Variants in ZNF83 observed in about 807,000 individuals in gnomAD.
ZNF83 encodes zinc finger protein 816B.
For missense variants in ZNF83, 552 were observed against 629.9 expected, an observed-to-expected ratio of 0.88 and a Z score of 1.32; for synonymous variants, 209 against 213.0, an observed-to-expected ratio of 0.98 and a Z score of 0.17.
intron 1 of ZNF83, among the ~76,000 whole-genome samples, chr19:52,673,917 G>A (rs2061762240): frequency 6.8e-6 from 1 of 147,612 alleles, no homozygotes; most frequent in African/African-American, 2.5e-5. Flanking sequence ...TAGGGAGGCT[G>A]AGGCAGGAGA....
intron 2 of ZNF83, among the ~76,000 whole-genome samples, chr19:52,657,010 C>T (rs965431559): frequency 3.3e-5 from 5 of 151,966 alleles, no homozygotes; most frequent in East Asian, 1.9e-4. Flanking sequence ...CAGCTACTCA[C>T]GAGGCTGAGG....
intron 2 of ZNF83, among the ~76,000 whole-genome samples, chr19:52,656,224 C>CTATATA (rs1491512779): frequency 1.5e-4 from 19 of 124,538 alleles, no homozygotes; most frequent in African/African-American, 4.6e-4. Context: ...CTCTCTCTCT[C>CTATATA]TCTATATATA....
At chr19:52,629,410 T>C (rs867414894) in intron 2 of ZNF83, among the ~76,000 whole-genome samples, 4 of 152,104 alleles carry the variant, frequency 2.6e-5, no homozygotes, top group Middle Eastern at 6.8e-3. Flanking sequence ...CTAATCTTCC[T>C]TTTCTACAGG....
chr19:52,615,880 C>T (rs1373937908), intron 2 of ZNF83, among the ~76,000 whole-genome samples: 2 of 152,184 alleles, frequency 1.3e-5, no homozygotes, highest in Admixed American at 6.5e-5. Context: ...CTCTTGTGCC[C>T]CAGGCTGGAG....
intron 1 of ZNF83, chr19:52,636,295 G>A (rs554532029): frequency 6.6e-6 from 1 of 152,176 alleles, no homozygotes; most frequent in Admixed American, 6.5e-5. Context: ...CTAGGCAATT[G>A]GCCAGACCCT....
chr19:52,614,278 C>T (rs1056185), exon 3 of ZNF83: 999,175 of 1,613,692 alleles, frequency 0.62, 312,856 homozygotes, highest in African/African-American at 0.82. Flanking sequence ...GCCACGCTCA[C>T]TACATTTGTA....
At chr19:52,615,582 T>C (rs765034177) in intron 2 of ZNF83, among the ~76,000 whole-genome samples, 6 of 151,798 alleles carry the variant, frequency 4.0e-5, no homozygotes, top group Non-Finnish European at 8.8e-5. Flanking sequence ...CTACTAAAAA[T>C]ACAAAAATTA....
chr19:52,656,864 C>CAAAAA (rs112522632), intron 2 of ZNF83, among the ~76,000 whole-genome samples: 64 of 136,462 alleles, frequency 4.7e-4, no homozygotes, highest in Middle Eastern at 4.0e-3. Context: ...GACTCCGTCT[C>CAAAAA]AAAAAAAAAA....
At chr19:52,621,217 C>T (rs1467571275) in intron 2 of ZNF83, among the ~76,000 whole-genome samples, 1 of 152,166 alleles carries the variant, frequency 6.6e-6, no homozygotes, top group African/African-American at 2.4e-5. Flanking sequence ...ACCAACCAGC[C>T]CAAGGAACGT....
chr19:52,666,618 C>CAA (rs59937542), intron 1 of ZNF83, among the ~76,000 whole-genome samples: 4 of 105,778 alleles, frequency 3.8e-5, no homozygotes, highest in East Asian at 3.2e-4. Flanking sequence ...TATCCTAAGT[C>CAA]AAAAAAAAAA....
chr19:52,670,317 T>C (rs1352331512), intron 1 of ZNF83, among the ~76,000 whole-genome samples: 1 of 152,148 alleles, frequency 6.6e-6, no homozygotes. Context: ...AATTAGCCAA[T>C]TGGAATTAGA....
At chr19:52,678,729 T>C (rs1350780750) in intron 1 of ZNF83, among the ~76,000 whole-genome samples, 1 of 152,018 alleles carries the variant, frequency 6.6e-6, no homozygotes, top group East Asian at 1.9e-4. Context: ...ATCCCAGTAC[T>C]TTGGGAGACC....
At chr19:52,645,934 TTTTG>T (rs957041916) in intron 3 of ZNF83, among the ~76,000 whole-genome samples, 3 of 152,062 alleles carry the variant, frequency 2.0e-5, no homozygotes, top group Non-Finnish European at 2.9e-5. Flanking sequence ...TTTGTTTATT[TTTTG>T]TTTGTTTGCT....
intron 1 of ZNF83, chr19:52,674,084 T>TCACACAGACACACACAGA (rs1268995637): frequency 2.7e-5 from 4 of 148,248 alleles, no homozygotes; most frequent in Non-Finnish European, 5.9e-5. Context: ...ATTTGCACAC[T>TCACACAGACACACACAGA]CACACAGACA....
intron 1 of ZNF83, among the ~76,000 whole-genome samples, chr19:52,662,293 C>T (rs892156033): frequency 6.6e-6 from 1 of 152,124 alleles, no homozygotes; most frequent in Non-Finnish European, 1.5e-5. Context: ...TGTAGGACTG[C>T]AAGGGAATGT....
chr19:52,616,078 T>C (rs1213462247), intron 2 of ZNF83, among the ~76,000 whole-genome samples: 9 of 152,204 alleles, frequency 5.9e-5, no homozygotes, highest in Admixed American at 5.9e-4. Flanking sequence ...CCTTAGGTGA[T>C]CCACCCACCT....
intron 2 of ZNF83, among the ~76,000 whole-genome samples, chr19:52,659,829 A>G (rs1289677098): frequency 6.6e-6 from 1 of 152,180 alleles, no homozygotes; most frequent in African/African-American, 2.4e-5. Context: ...AGAGATAGAG[A>G]AAGAATCCTA....
chr19:52,614,308 GCTTT>G, exon 3 of ZNF83: 2 of 1,613,702 alleles, frequency 1.2e-6, no homozygotes, highest in South Asian at 1.1e-5. Context: ...CCCAATATTT[GCTTT>G]CTCTTTTTGT....
At chr19:52,631,051 C>T (rs61513891) in intron 2 of ZNF83, among the ~76,000 whole-genome samples, 3,712 of 146,474 alleles carry the variant, frequency 0.025, 188 homozygotes, top group African/African-American at 0.08. Flanking sequence ...TTCCTTTGCA[C>T]CCTTCATCCC....
Sources: allele counts gnomAD v4.1 joint callset (sites outside exome capture counted in the v4.1 genomes callset), GRCh38; gene constraint gnomAD v4.1.1; transcripts MANE v1.5; gene names NCBI Gene and HGNC (gene_info 2026-07-23, HGNC 2026-07-21).